FBXW11: variants seen among roughly 807,000 people sequenced by gnomAD.
FBXW11 encodes the protein F-box/WD repeat-containing protein 11.
In FBXW11, 19 loss-of-function variants were observed where a neutral mutation model predicts 77.6. That is an observed-to-expected ratio of 0.24 (90% CI 0.17 to 0.36). FBXW11 has a LOEUF of 0.36. Ranked by LOEUF, FBXW11 falls within the 10% of genes least tolerant of loss-of-function variation. The pLI is 1.00. For missense variants in FBXW11, 334 were observed against 704.2 expected (o/e 0.47, Z 5.95); for synonymous variants, 235 against 249.4 (o/e 0.94, Z 0.54).
In FBXW11 at chr5:171,863,493, A is replaced by G. The variant is rs1293868590; in HGVS notation, c.*634T>C. On this transcript the variant is annotated 3_prime_UTR_variant, in exon 14 of 14. Coordinates refer to ENST00000517395, the MANE Select transcript of FBXW11 (RefSeq NM_001378974.1). ...GCTATATTACCTGTTGGTAGATAAT[A>G]TAACTGACTTATAGTTCTTTAAATT... The G allele has an allele frequency of 3.9e-5, 6 of 152,588 alleles. No homozygotes were observed. The highest frequency in any genetic ancestry group is 1.3e-4 in the Admixed American group (2 of 15,288). 9.5% of individuals were successfully genotyped at this position (152,588 alleles called of 1,614,324 possible).
chr5:171,907,714 A>C (rs551769513), intron 4 of FBXW11, among the ~76,000 whole-genome samples: 1 of 152,344 alleles, frequency 6.6e-6, no homozygotes, highest in African/African-American at 2.4e-5. Context: ...AATACCACAA[A>C]ATTCCACTTT....
chr5:171,992,435 A>G (rs758734722), intron 1 of FBXW11, among the ~76,000 whole-genome samples: 8 of 151,940 alleles, frequency 5.3e-5, no homozygotes, highest in Non-Finnish European at 1.2e-4. Context: ...AAAGAAAAAG[A>G]GAGAAAGGGG....
At chr5:171,867,814 A>T (rs1017402638) in intron 13 of FBXW11, 1 of 152,246 alleles carries the variant, frequency 6.6e-6, no homozygotes, top group Non-Finnish European at 1.5e-5. Context: ...AACAGTCTTT[A>T]TATACATATA....
chr5:171,883,701 G>A (rs573890819), intron 7 of FBXW11, among the ~76,000 whole-genome samples: 56 of 152,172 alleles, frequency 3.7e-4, no homozygotes, highest in African/African-American at 1.3e-3. Flanking sequence ...TCACAATGTG[G>A]TTTTGATTTG....
rs1289007960 is a variant in FBXW11, at chr5:171,863,165, C to T, written c.*962G>A. Reference sequence around the variant, plus strand: ...AAAACACACACAAACCACACACACGCAATGACAACAACAAAATAAAAACAC... The same window carrying T: ...AAAACACACACAAACCACACACACGTAATGACAACAACAAAATAAAAACAC... On this transcript the variant is annotated 3_prime_UTR_variant, in exon 14 of 14. Transcript: ENST00000517395. 1 of 152,578 alleles carries T rather than the reference C, an allele frequency of 6.6e-6. No homozygotes were observed. The highest frequency in any genetic ancestry group is 1.5e-5 in the Non-Finnish European group (1 of 68,034). The allele number at this position is 152,578 out of a possible 1,614,324, so 9.5% of individuals were successfully genotyped here.
intron 13 of FBXW11, among the ~76,000 whole-genome samples, chr5:171,867,595 CT>C (rs1303542867): frequency 1.3e-5 from 2 of 151,578 alleles, no homozygotes; most frequent in East Asian, 3.9e-4. Context: ...TTTATTGGAT[CT>C]TGGAATCTTG....
chr5:171,942,419 C>T (rs2113183576), intron 2 of FBXW11, among the ~76,000 whole-genome samples: 1 of 152,266 alleles, frequency 6.6e-6, no homozygotes, highest in East Asian at 1.9e-4. Context: ...AGATTACAGA[C>T]CAGCTGTTTC....
rs535515448 is a variant in FBXW11 at position 171,904,580 on chromosome 5, T to C, written c.437-4480A>G. ...CTGGGTGTGGTTTTTTTGTTGTTGT[T>C]GTTGTTTTTGGAAACAGATTCTCAC... On this transcript the variant is annotated intron_variant, in intron 4 of 13. Transcript: ENST00000517395. The surrounding 1 kb of genome is among the most constrained non-coding windows in gnomAD (Gnocchi z 4.0). Among the ~76,000 whole-genome samples, 6 of 152,028 alleles carry C rather than the reference T, an allele frequency of 3.9e-5. No individual in the cohort carries two copies. The highest frequency in any genetic ancestry group is 8.8e-5 in the Non-Finnish European group (6 of 67,986).
At chr5:171,932,599 T>G (rs924519015) in intron 2 of FBXW11, among the ~76,000 whole-genome samples, 14 of 152,194 alleles carry the variant, frequency 9.2e-5, no homozygotes, top group African/African-American at 3.1e-4. Flanking sequence ...TGTAACTATA[T>G]TCACCCTACT....
At chr5:172,006,420 C>A in intron 1 of FBXW11, 38 bp downstream of exon 1, 3 of 1,510,988 alleles carry the variant, frequency 2.0e-6, no homozygotes, top group Non-Finnish European at 2.7e-6. Flanking sequence ...CGGGGCCGGA[C>A]GGACGGAAGC....
At chr5:171,919,383 T>C (rs1213741657) in intron 2 of FBXW11, among the ~76,000 whole-genome samples, 1 of 152,182 alleles carries the variant, frequency 6.6e-6, no homozygotes, top group African/African-American at 2.4e-5. Flanking sequence ...GCTGCACTGA[T>C]GGTATCATGA....
At chr5:171,991,128 T>G (rs1176554176) in intron 1 of FBXW11, among the ~76,000 whole-genome samples, 2 of 152,082 alleles carry the variant, frequency 1.3e-5, no homozygotes, top group Non-Finnish European at 2.9e-5. Context: ...ACCCAGCCCC[T>G]TTTGTACCTT....
At chr5:171,878,380 C>T (rs1238147676) in intron 7 of FBXW11, among the ~76,000 whole-genome samples, 1 of 152,120 alleles carries the variant, frequency 6.6e-6, no homozygotes, top group Non-Finnish European at 1.5e-5. Context: ...TATCAACAGC[C>T]TCATAAAGGG....
chr5:171,957,291 G>A (rs1763663612), intron 2 of FBXW11, among the ~76,000 whole-genome samples: 1 of 152,180 alleles, frequency 6.6e-6, no homozygotes. Flanking sequence ...AATGGAAAAT[G>A]TCAGGAGTTT....
At chr5:171,917,229 T>C (rs1339155854) in intron 2 of FBXW11, among the ~76,000 whole-genome samples, 1 of 152,242 alleles carries the variant, frequency 6.6e-6, no homozygotes, top group East Asian at 1.9e-4. Context: ...AAGAGATGTA[T>C]ATATGTTTTA....
At chr5:171,935,724 A>G (rs1762439721) in intron 2 of FBXW11, among the ~76,000 whole-genome samples, 1 of 152,176 alleles carries the variant, frequency 6.6e-6, no homozygotes, top group Non-Finnish European at 1.5e-5. Flanking sequence ...TAGAAAATAA[A>G]GGGTAAAGGT....
At chr5:171,997,434 T>C (rs1012268482) in intron 1 of FBXW11, among the ~76,000 whole-genome samples, 2 of 152,200 alleles carry the variant, frequency 1.3e-5, no homozygotes, top group African/African-American at 4.8e-5. Flanking sequence ...GAAAAATAGT[T>C]TGTCAGCCAA....
chr5:171,983,435 C>G (rs899567243), intron 1 of FBXW11, among the ~76,000 whole-genome samples: 17 of 152,076 alleles, frequency 1.1e-4, no homozygotes, highest in African/African-American at 4.1e-4. Context: ...TAGCGGGAAC[C>G]CCAACTTGAA....
At chr5:171,871,993 G>A (rs776930267) in intron 10 of FBXW11, among the ~76,000 whole-genome samples, 46 of 152,164 alleles carry the variant, frequency 3.0e-4, no homozygotes, top group Non-Finnish European at 2.1e-4. Context: ...ATGAATATAA[G>A]AGAATCAAGA....
Sources: gnomAD v4.1 joint callset for allele counts (sites outside exome capture counted in the v4.1 genomes callset) on GRCh38, gnomAD v4.1.1 for gene constraint, Gnocchi (gnomAD v3.1) non-coding constraint, MANE v1.5 for transcripts, NCBI Gene and HGNC (gene_info 2026-07-23, HGNC 2026-07-21) for gene names.